SLC27A6: variants seen among roughly 807,000 people sequenced by gnomAD.
SLC27A6 encodes solute carrier family 27 member 6, also known as long-chain fatty acid transport protein 6.
SLC27A6 carries 74 observed loss-of-function variants against 63.9 expected under a neutral mutation model. The observed-to-expected ratio is 1.16, with a 90% CI of 0.96 to 1.40. The LOEUF (loss-of-function observed/expected upper bound fraction) is 1.40. Among genes scored for constraint, SLC27A6 ranks in the 40% most tolerant of loss-of-function variants. The pLI is 0.00. For synonymous variants in SLC27A6, 287 were observed against 260.8 expected (o/e 1.10, Z -0.97); for missense variants, 794 against 732.9 (o/e 1.08, Z -0.96).
intron 1 of SLC27A6, 52 bp downstream of exon 1, chr5:128,966,670 C>T: frequency 1.4e-6 from 2 of 1,401,098 alleles, no homozygotes; most frequent in South Asian, 3.7e-5. Flanking sequence ...CACCTGCTTT[C>T]ATACCCTTTT....
At chr5:129,022,293 G>A (rs1322637183) in intron 5 of SLC27A6, among the ~76,000 whole-genome samples, 6 of 152,076 alleles carry the variant, frequency 3.9e-5, no homozygotes, top group Admixed American at 3.9e-4. Flanking sequence ...ACATTAAATA[G>A]AACTCTTAAA....
At chr5:128,997,251 G>A (rs1336068663) in intron 4 of SLC27A6, among the ~76,000 whole-genome samples, 2 of 151,976 alleles carry the variant, frequency 1.3e-5, no homozygotes, top group African/African-American at 4.8e-5. Context: ...AATTGATTTT[G>A]CCTGTAAGAT....
intron 2 of SLC27A6, among the ~76,000 whole-genome samples, chr5:128,987,135 AATATGTAT>A (rs1483606059): frequency 6.6e-6 from 1 of 152,056 alleles, no homozygotes; most frequent in African/African-American, 2.4e-5. Context: ...CCTCCCTATA[AATATGTAT>A]ATATGTATAT....
At position 129,033,589 on chromosome 5, in the gene SLC27A6, A is replaced by G. The variant is rs1274267047; in HGVS notation, c.*307A>G. 6.4e-6 allele frequency: 1 copy of G among 157,302 alleles called. No homozygotes were observed. Among genetic ancestry groups the G allele is most frequent in the Admixed American group, 6.5e-5 (1 of 15,370 alleles). The allele number at this position is 157,302 out of a possible 1,614,324, so 9.7% of individuals were successfully genotyped here. ...ACAATCACTAAAAATGTACTTTCTA[A>G]TAAGTAAAATTTCTAATTTTGAATA... On this transcript the variant is annotated 3_prime_UTR_variant, in exon 10 of 10. Transcript: ENST00000262462.
At position 129,033,624 on chromosome 5, in the gene SLC27A6, A is replaced by G. The variant is rs188411437; in HGVS notation, c.*342A>G. Reference sequence around the variant, plus strand: ...TTTCTAATTTTGAATAAAAGATTAAATTTTACTGAAATATTTTATTTTTAT... The same window carrying G: ...TTTCTAATTTTGAATAAAAGATTAAGTTTTACTGAAATATTTTATTTTTAT... On this transcript the variant is annotated 3_prime_UTR_variant, in exon 10 of 10. Transcript: ENST00000262462. 2.7e-3 allele frequency: 412 copies of G among 153,444 alleles called. 3 individuals are homozygous for G. Among genetic ancestry groups the G allele is most frequent in the African/African-American group, 9.6e-3 (399 of 41,594 alleles). The allele number at this position is 153,444 out of a possible 1,614,324, so 9.5% of individuals were successfully genotyped here.
At chr5:129,017,834 A>G (rs1249892498) in intron 5 of SLC27A6, among the ~76,000 whole-genome samples, 1 of 152,168 alleles carries the variant, frequency 6.6e-6, no homozygotes, top group African/African-American at 2.4e-5. Context: ...AAATAAATTC[A>G]TACTCCAACA....
chr5:129,013,983 C>T (rs1751810649), intron 4 of SLC27A6, among the ~76,000 whole-genome samples: 1 of 152,156 alleles, frequency 6.6e-6, no homozygotes, highest in African/African-American at 2.4e-5. Context: ...AGGATCCAGA[C>T]ATTTTATTGA....
rs770020477 is a variant in SLC27A6, at chr5:129,033,328, GA to G, written c.*47del. ...TCATATGCTTTCTTAGGAAGAGTGA[GA>G]GGGGGGTATATGATTCTTTATGAAA... On this transcript the variant is annotated 3_prime_UTR_variant, in exon 10 of 10. Coordinates refer to ENST00000262462, the MANE Select transcript of SLC27A6 (RefSeq NM_001017372.3). The G allele has an allele frequency of 8.4e-6, 10 of 1,190,428 alleles. No homozygotes were observed. The highest frequency in any genetic ancestry group is 2.8e-4 in the Middle Eastern group (1 of 3,520). The allele number at this position is 1,190,428 out of a possible 1,614,324, so 73.7% of individuals were successfully genotyped here. A position where few individuals can be genotyped will look rare whatever the true frequency, so the allele number is the denominator to read the frequency against.
In SLC27A6 at chr5:128,990,614, A is replaced by G. The variant is rs560239891; in HGVS notation, c.969+150A>G. ...TCCAAGATAGTGGCAGGTGCTACCT[A>G]GATGGTGGCGGGCAGCTCCCAAGAT... is the stretch of plus-strand genomic sequence containing the variant. On this transcript the variant is annotated intron_variant, in intron 4 of 9. Coordinates refer to ENST00000262462, the MANE Select transcript of SLC27A6 (RefSeq NM_001017372.3). The G allele has an allele frequency of 2.7e-5, 22 of 817,960 alleles. No homozygotes were observed. In the South Asian group the frequency reaches 3.9e-4, roughly 15 times the overall value. 50.7% of individuals were successfully genotyped at this position (817,960 alleles called of 1,614,324 possible).
intron 1 of SLC27A6, among the ~76,000 whole-genome samples, chr5:128,981,787 TGAAAA>T (rs1750597134): frequency 6.7e-6 from 1 of 150,000 alleles, no homozygotes; most frequent in Non-Finnish European, 1.5e-5. Flanking sequence ...TTAAAGGACA[TGAAAA>T]GAGTTTTTTT....
At chr5:128,973,821 T>C (rs1230646901) in intron 1 of SLC27A6, among the ~76,000 whole-genome samples, 1 of 152,202 alleles carries the variant, frequency 6.6e-6, no homozygotes, top group African/African-American at 2.4e-5. Context: ...GGTACCTCAG[T>C]TGGAAATGCA....
At chr5:129,027,384 C>G in intron 7 of SLC27A6, 53 bp downstream of exon 7, 1 of 1,369,364 alleles carries the variant, frequency 7.3e-7, no homozygotes, top group Non-Finnish European at 1.0e-6. Context: ...AACCATGCTT[C>G]TATAGAAACA....
At chr5:128,971,852 T>C (rs577621625) in intron 1 of SLC27A6, among the ~76,000 whole-genome samples, 43 of 152,310 alleles carry the variant, frequency 2.8e-4, no homozygotes, top group African/African-American at 1.0e-3. Context: ...AGTTTCTTTC[T>C]AGCGTCGATG....
chr5:129,024,684 G>A (rs1228010523), intron 6 of SLC27A6, among the ~76,000 whole-genome samples: 1 of 152,068 alleles, frequency 6.6e-6, no homozygotes, highest in Non-Finnish European at 1.5e-5. Flanking sequence ...AATCAAATTA[G>A]AAAATAAAAT....
At chr5:129,026,273 G>A (rs534598625) in intron 6 of SLC27A6, among the ~76,000 whole-genome samples, 1 of 152,158 alleles carries the variant, frequency 6.6e-6, no homozygotes. Context: ...CCAGAGCAGT[G>A]ATTGCTGCTG....
At chr5:129,023,874 G>A (rs541412693) in intron 6 of SLC27A6, among the ~76,000 whole-genome samples, 164 bp downstream of exon 6, 17 of 152,184 alleles carry the variant, frequency 1.1e-4, no homozygotes, top group African/African-American at 4.1e-4. Flanking sequence ...TGCCTATGAG[G>A]TGTGCACATC....
At chr5:129,025,794 G>A (rs1272089727) in intron 6 of SLC27A6, among the ~76,000 whole-genome samples, 1 of 152,102 alleles carries the variant, frequency 6.6e-6, no homozygotes, top group African/African-American at 2.4e-5. Context: ...AGTGACCTAT[G>A]TGCCCTTGAA....
At chr5:128,992,087 C>T (rs1751002793) in intron 4 of SLC27A6, among the ~76,000 whole-genome samples, 1 of 151,210 alleles carries the variant, frequency 6.6e-6, no homozygotes, top group Admixed American at 6.6e-5. Context: ...ACATCAGCCC[C>T]TTCAAGAATG....
intron 4 of SLC27A6, among the ~76,000 whole-genome samples, chr5:129,012,585 C>T (rs977319426): frequency 2.6e-4 from 40 of 151,990 alleles, no homozygotes; most frequent in African/African-American, 9.4e-4. Flanking sequence ...TCTATTTTAG[C>T]TCTGTCCATT....
Sources: allele counts gnomAD v4.1 joint callset (sites outside exome capture counted in the v4.1 genomes callset), GRCh38; gene constraint gnomAD v4.1.1; transcripts MANE v1.5; gene names NCBI Gene and HGNC (gene_info 2026-07-23, HGNC 2026-07-21).